TACC2: variants seen among roughly 807,000 people sequenced by gnomAD.
TACC2 encodes transforming acidic coiled-coil-containing protein 2.
TACC2 carries 137 observed loss-of-function variants against 227.3 expected under a neutral mutation model. The ratio of observed to expected loss-of-function variants is 0.60; its 90% CI spans 0.52 to 0.69. TACC2 has a LOEUF of 0.69. TACC2 is among the 30% of genes least tolerant of loss of function. TACC2 has a pLI of 0.00. For synonymous variants in TACC2, 1,523 were observed against 1,487.5 expected (o/e 1.02, Z -0.55); for missense variants, 3,470 against 3,694.4 (o/e 0.94, Z 1.57).
At chr10:122,237,013 A>T (rs749833788) in intron 16 of TACC2, among the ~76,000 whole-genome samples, 1 of 152,260 alleles carries the variant, frequency 6.6e-6, no homozygotes, top group Non-Finnish European at 1.5e-5. Context: ...ATTCAACATT[A>T]TTCACCATTG....
chr10:122,053,647 G>A (rs567649772), intron 3 of TACC2, among the ~76,000 whole-genome samples: 3 of 152,082 alleles, frequency 2.0e-5, no homozygotes, highest in East Asian at 1.9e-4. Context: ...GCCCATGACC[G>A]CTTCCTCGAG....
intron 3 of TACC2, among the ~76,000 whole-genome samples, chr10:122,070,905 CAGAGGA>C (rs2077981406): frequency 6.6e-6 from 1 of 151,376 alleles, no homozygotes; most frequent in African/African-American, 2.4e-5. Context: ...GCCTGGGTAG[CAGAGGA>C]AGACCCTGTC....
Position 122,129,060 on chromosome 10 carries a change from AATTATTATTATTATTATT to A in TACC2, c.5574-3530_5574-3513del, listed in dbSNP as rs34221080. 1.4e-4 allele frequency among the ~76,000 whole-genome samples: 18 copies of A among 128,548 alleles called. No homozygotes were observed. In the South Asian group the frequency reaches 2.3e-3, roughly 16 times the overall value. 84.3% of individuals were successfully genotyped at this position (128,548 alleles called of 152,430 possible). ...GATACATGAAGATCTATCTTATTTT[AATTATTATTATTATTATT>A]ATTATTATTATTATTATTTGAGATG... On this transcript the variant is annotated intron_variant, in intron 5 of 22. Transcript: ENST00000369005.
intron 1 of TACC2, among the ~76,000 whole-genome samples, chr10:122,004,906 C>CT (rs1413215802): frequency 6.6e-6 from 1 of 152,006 alleles, no homozygotes; most frequent in Non-Finnish European, 1.5e-5. Context: ...TGTATTTCCC[C>CT]TTTTATCTAA....
chr10:122,009,881 G>C (rs1483383872), intron 1 of TACC2, among the ~76,000 whole-genome samples: 3 of 152,136 alleles, frequency 2.0e-5, no homozygotes, highest in African/African-American at 7.2e-5. Flanking sequence ...AGCCAAGATT[G>C]CACCACTGCA....
intron 7 of TACC2, among the ~76,000 whole-genome samples, chr10:122,148,243 A>G (rs2091639535): frequency 2.0e-5 from 3 of 151,694 alleles, no homozygotes; most frequent in Admixed American, 1.3e-4. Flanking sequence ...AGCTGGGATT[A>G]TAGGCACCCG....
intron 9 of TACC2, among the ~76,000 whole-genome samples, chr10:122,212,125 A>G (rs1329907862): frequency 6.6e-6 from 1 of 152,234 alleles, no homozygotes; most frequent in African/African-American, 2.4e-5. Context: ...ATTAAAATGT[A>G]TAGTACTTGT....
intron 3 of TACC2, among the ~76,000 whole-genome samples, chr10:122,071,575 T>C (rs1052178249): frequency 2.0e-5 from 3 of 151,908 alleles, no homozygotes; most frequent in Non-Finnish European, 4.4e-5. Context: ...CTTGAAGTCA[T>C]ATAGAAGCTC....
chr10:122,203,856 A>C (rs11200475), intron 8 of TACC2, among the ~76,000 whole-genome samples: 68,484 of 151,250 alleles, frequency 0.45, 17,735 homozygotes, highest in South Asian at 0.6. Context: ...ACTGCACTCC[A>C]GCCTTGGCAC....
At chr10:122,055,898 G>T (rs1203983598) in intron 3 of TACC2, among the ~76,000 whole-genome samples, 3 of 152,188 alleles carry the variant, frequency 2.0e-5, no homozygotes, top group Admixed American at 2.0e-4. Flanking sequence ...CTTCTTCAAG[G>T]TCTCTTGGTC....
At chr10:122,140,782 G>A (rs886690249) in intron 6 of TACC2, among the ~76,000 whole-genome samples, 1 of 152,214 alleles carries the variant, frequency 6.6e-6, no homozygotes, top group African/African-American at 2.4e-5. Context: ...GCTGGCTGCC[G>A]GCTGCCCCTA....
At chr10:122,028,910 CCCCTT>C (rs1205750890) in intron 2 of TACC2, among the ~76,000 whole-genome samples, 3 of 33,272 alleles carry the variant, frequency 9.0e-5, no homozygotes, top group African/African-American at 2.5e-4. Flanking sequence ...CCTCTCCCCT[CCCCTT>C]CCCTTCCCTT....
chr10:122,028,424 C>G, intron 2 of TACC2, among the ~76,000 whole-genome samples: 1 of 152,076 alleles, frequency 6.6e-6, no homozygotes, highest in East Asian at 1.9e-4. Flanking sequence ...TTGTAATCTT[C>G]AACATATAGA....
intron 8 of TACC2, among the ~76,000 whole-genome samples, chr10:122,196,943 A>AAC (rs1565579014): frequency 6.7e-6 from 1 of 149,774 alleles, no homozygotes; most frequent in Non-Finnish European, 1.5e-5. Flanking sequence ...CAAAAAAAAA[A>AAC]AAAAAAAACA....
chr10:122,054,672 G>C (rs952537221), intron 3 of TACC2, among the ~76,000 whole-genome samples: 3 of 152,218 alleles, frequency 2.0e-5, no homozygotes, highest in Admixed American at 2.0e-4. Flanking sequence ...GTCAAGGGCA[G>C]TGTTTCGAGA....
chr10:122,071,819 G>A (rs1234690333), intron 3 of TACC2, among the ~76,000 whole-genome samples: 3 of 149,762 alleles, frequency 2.0e-5, no homozygotes, highest in African/African-American at 7.3e-5. Flanking sequence ...CCCAGAAGGT[G>A]GAGGTTGCAG....
intron 7 of TACC2, among the ~76,000 whole-genome samples, chr10:122,171,046 A>AGATTAGGGGCCGTGAGCAATG (rs2093448155): frequency 6.6e-6 from 1 of 152,172 alleles, no homozygotes; most frequent in Non-Finnish European, 1.5e-5. Flanking sequence ...CGTGAGCAAT[A>AGATTAGGGGCCGTGAGCAATG]GATTTCCTTT....
chr10:122,246,405 GCAGA>G (rs769025205), intron 19 of TACC2: 1 of 152,166 alleles, frequency 6.6e-6, no homozygotes, highest in African/African-American at 2.4e-5. Flanking sequence ...ATGGCAAGGT[GCAGA>G]TATGTCCGGA....
At chr10:122,203,942 G>A (rs1178200914) in intron 8 of TACC2, among the ~76,000 whole-genome samples, 3 of 151,918 alleles carry the variant, frequency 2.0e-5, no homozygotes, top group Non-Finnish European at 4.4e-5. Flanking sequence ...GATCACTCGC[G>A]GTTAGGGGCT....
Sources: allele counts gnomAD v4.1 joint callset (sites outside exome capture counted in the v4.1 genomes callset), GRCh38; gene constraint gnomAD v4.1.1; transcripts MANE v1.5; gene names NCBI Gene and HGNC (gene_info 2026-07-23, HGNC 2026-07-21).